Variants in PEAK1 observed in about 807,000 individuals in gnomAD.
PEAK1 encodes inactive tyrosine-protein kinase PEAK1.
In PEAK1, 54 loss-of-function variants were observed where a neutral mutation model predicts 124.7. That is an observed-to-expected ratio of 0.43 (90% CI 0.35 to 0.54). The LOEUF is 0.54. Ranked by LOEUF, PEAK1 falls within the 20% of genes least tolerant of loss-of-function variation. PEAK1 has a pLI of 0.01. For missense variants in PEAK1, 2,046 were observed against 2,134.5 expected, an observed-to-expected ratio of 0.96 and a Z score of 0.82; for synonymous variants, 719 against 760.0, an observed-to-expected ratio of 0.95 and a Z score of 0.89.
At position 77,115,062 on chromosome 15, in the gene PEAK1, T is replaced by C. The variant is rs1372785058; in HGVS notation, c.4335A>G (p.Lys1445=). The change falls in exon 10 of 10, where the codon AAA becomes AAG. Residue 1445 remains lysine (K), a synonymous_variant. Coordinates refer to ENST00000682557, the MANE Select transcript of PEAK1 (RefSeq NM_001385026.1). ...TCTTGCTCATGACTCCCTGATTCTC[T>C]TTCTGGGATGATGCTGCTTCAGAAC... ...KPCSEAASSQ[K]ENQGVMSKKQ... is the part of the protein sequence containing the mutation. 1.9e-6 allele frequency: 3 copies of C among 1,614,056 alleles called. No individual in the cohort carries two copies. Among genetic ancestry groups the C allele is most frequent in the South Asian group, 2.2e-5 (2 of 91,084 alleles).
Position 77,213,010 on chromosome 15 carries a change from G to GA in PEAK1, c.-114-30971dup, listed in dbSNP as rs951816424. On this transcript the variant is annotated intron_variant, in intron 6 of 9. Coordinates refer to ENST00000682557, the MANE Select transcript of PEAK1 (RefSeq NM_001385026.1). Reference sequence around the variant, plus strand: ...AAAGGAACACATAAGCTTGAAATCTGAAAAAAAAATCTTTTGAATAAAGAA... The same window carrying GA: ...AAAGGAACACATAAGCTTGAAATCTGAAAAAAAAAATCTTTTGAATAAAGAA... Among the ~76,000 whole-genome samples the GA allele has an allele frequency of 2.3e-3, 344 of 150,512 alleles. 1 individual carries two copies. Among genetic ancestry groups the GA allele is most frequent in the African/African-American group, 5.5e-3 (227 of 41,056 alleles).
intron 1 of PEAK1, among the ~76,000 whole-genome samples, chr15:77,368,449 C>T (rs931506795): frequency 6.6e-6 from 1 of 150,570 alleles, no homozygotes; most frequent in Non-Finnish European, 1.5e-5. Flanking sequence ...ACCCAGGAGG[C>T]GGAGGTTATA....
At chr15:77,290,942 G>T in intron 2 of PEAK1, among the ~76,000 whole-genome samples, 1 of 152,134 alleles carries the variant, frequency 6.6e-6, no homozygotes, top group Non-Finnish European at 1.5e-5. Flanking sequence ...ATGTAGGTCT[G>T]TATCATTTTT....
intron 5 of PEAK1, among the ~76,000 whole-genome samples, chr15:77,263,830 C>T (rs1482265181): frequency 2.6e-5 from 4 of 152,104 alleles, no homozygotes; most frequent in East Asian, 3.9e-4. Context: ...ACCAATATCC[C>T]TGATGAACAT....
chr15:77,325,625 A>G (rs1321279611), intron 2 of PEAK1, among the ~76,000 whole-genome samples: 2 of 152,094 alleles, frequency 1.3e-5, no homozygotes, highest in African/African-American at 4.8e-5. Context: ...AAAGTTCCCA[A>G]GAGTAAGTGC....
intron 1 of PEAK1, among the ~76,000 whole-genome samples, chr15:77,368,963 CTATGTTTAA>C (rs1203645465): frequency 6.6e-6 from 1 of 152,158 alleles, no homozygotes; most frequent in African/African-American, 2.4e-5. Flanking sequence ...AATTAAATCA[CTATGTTTAA>C]TTATAACTAT....
At chr15:77,130,461 T>G (rs191024208) in intron 9 of PEAK1, among the ~76,000 whole-genome samples, 55 of 152,348 alleles carry the variant, frequency 3.6e-4, no homozygotes, top group Admixed American at 2.7e-3. Flanking sequence ...ACTCTGCCAG[T>G]GACATCAGAC....
intron 1 of PEAK1, among the ~76,000 whole-genome samples, chr15:77,407,073 A>G (rs1319393651): frequency 6.6e-6 from 1 of 152,238 alleles, no homozygotes; most frequent in Non-Finnish European, 1.5e-5. Context: ...AGCCACATGT[A>G]GAAGAATGAA....
chr15:77,251,187 T>G (rs370415498), intron 6 of PEAK1, among the ~76,000 whole-genome samples: 3 of 152,134 alleles, frequency 2.0e-5, no homozygotes, highest in Admixed American at 2.0e-4. Flanking sequence ...AAGTAAAAAA[T>G]TGGAAATATT....
At chr15:77,324,310 T>A (rs2153022852) in intron 2 of PEAK1, among the ~76,000 whole-genome samples, 1 of 151,974 alleles carries the variant, frequency 6.6e-6, no homozygotes, top group East Asian at 1.9e-4. Context: ...GAAACCCCCA[T>A]CTCTACTAAA....
At chr15:77,130,155 G>A (rs901542877) in intron 9 of PEAK1, among the ~76,000 whole-genome samples, 1 of 152,024 alleles carries the variant, frequency 6.6e-6, no homozygotes, top group African/African-American at 2.4e-5. Context: ...AAGATTCCAC[G>A]GCAATAATAC....
chr15:77,295,507 T>C (rs1001124027), intron 2 of PEAK1, among the ~76,000 whole-genome samples: 1 of 152,156 alleles, frequency 6.6e-6, no homozygotes, highest in Non-Finnish European at 1.5e-5. Context: ...CTCAACCTTA[T>C]TAATAAAGCC....
Position 77,180,176 on chromosome 15 carries a change from G to A in PEAK1, c.1751C>T (p.Pro584Leu). The A allele has an allele frequency of 6.2e-7, 1 of 1,614,110 alleles. No homozygotes were observed. The highest frequency in any genetic ancestry group is 2.2e-5 in the East Asian group (1 of 44,882). ...TATNISSKTI[P>L]VKSPNLSEIK... is the part of the protein sequence containing the mutation. ...TTCAGACAAATTAGGTGACTTAACAGGGATGGTTTTGGAGGAAATGTTTGT... is the reference window on the plus strand; with the variant it reads ...TTCAGACAAATTAGGTGACTTAACAAGGATGGTTTTGGAGGAAATGTTTGT... The change falls in exon 7 of 10, where the codon CCT becomes CTT. Residue 584 changes from proline (P) to leucine (L), a missense_variant. Physicochemically the swap from Pro to Leu is moderately conservative, Grantham distance 98. Coordinates refer to ENST00000682557, the MANE Select transcript of PEAK1 (RefSeq NM_001385026.1).
chr15:77,404,889 C>G, intron 1 of PEAK1: 1 of 570,068 alleles, frequency 1.8e-6, no homozygotes, highest in Non-Finnish European at 2.2e-6. Flanking sequence ...TAAATCTGCT[C>G]TCTCCTCAAT....
At chr15:77,317,908 G>A (rs747976827) in intron 2 of PEAK1, among the ~76,000 whole-genome samples, 10 of 152,174 alleles carry the variant, frequency 6.6e-5, no homozygotes, top group Non-Finnish European at 1.2e-4. Flanking sequence ...CATGTTGGGT[G>A]TAAAAAGCCA....
At chr15:77,265,128 G>T (rs1421966110) in intron 5 of PEAK1, among the ~76,000 whole-genome samples, 1 of 151,996 alleles carries the variant, frequency 6.6e-6, no homozygotes. Context: ...AGACTTAAAC[G>T]TTAGACCTAA....
chr15:77,373,212 A>G (rs2068769543), intron 1 of PEAK1, among the ~76,000 whole-genome samples: 1 of 152,068 alleles, frequency 6.6e-6, no homozygotes, highest in African/African-American at 2.4e-5. Flanking sequence ...TTATGCCCCT[A>G]TGCCTTTGAA....
intron 1 of PEAK1, among the ~76,000 whole-genome samples, chr15:77,377,065 A>C (rs1305354152): frequency 6.6e-6 from 1 of 152,028 alleles, no homozygotes; most frequent in Non-Finnish European, 1.5e-5. Context: ...TACTGTAGGC[A>C]ATAACAATGG....
intron 2 of PEAK1, among the ~76,000 whole-genome samples, chr15:77,342,316 C>G (rs879789171): frequency 2.0e-5 from 3 of 151,968 alleles, no homozygotes; most frequent in Admixed American, 2.0e-4. Context: ...TTCCTCTTCC[C>G]TCTCCCTTCA....
Sources: gnomAD v4.1 joint callset for allele counts (sites outside exome capture counted in the v4.1 genomes callset) on GRCh38, gnomAD v4.1.1 for gene constraint, MANE v1.5 for transcripts, NCBI Gene and HGNC (gene_info 2026-07-23, HGNC 2026-07-21) for gene names.